Variants in SGCD observed in about 807,000 individuals in gnomAD.
SGCD encodes the protein delta-sarcoglycan.
SGCD carries 18 observed loss-of-function variants against 36.6 expected under a neutral mutation model. The ratio of observed to expected loss-of-function variants is 0.49; its 90% CI spans 0.34 to 0.73. The LOEUF is 0.73. SGCD is among the 30% of genes least tolerant of loss of function. The probability of loss-of-function intolerance (pLI) is 0.01; values close to 1 mark genes in which losing one functional copy is unlikely to be tolerated. For missense variants in SGCD, 387 were observed against 346.7 expected (o/e 1.12, Z -0.92); for synonymous variants, 133 against 130.6 (o/e 1.02, Z -0.12).
In SGCD at chr5:156,575,609, T is replaced by C. The variant is rs185433886; in HGVS notation, c.295-13622T>C. On this transcript the variant is annotated intron_variant, in intron 4 of 8. Coordinates refer to ENST00000337851, the MANE Select transcript of SGCD (RefSeq NM_000337.6). ...GCCATCCAACAAGTTCTATTGAGAGTCCACCAGATGTGAGGATAGCTACGA... is the reference window on the plus strand; with the variant it reads ...GCCATCCAACAAGTTCTATTGAGAGCCCACCAGATGTGAGGATAGCTACGA... Among the ~76,000 whole-genome samples the C allele has an allele frequency of 2.0e-5, 3 of 152,248 alleles. No homozygotes were observed. The East Asian group carries it at 5.8e-4, about 29-fold the overall frequency.
intron 3 of SGCD, among the ~76,000 whole-genome samples, chr5:156,379,908 C>A (rs929737209): frequency 6.6e-6 from 1 of 152,090 alleles, no homozygotes; most frequent in South Asian, 2.1e-4. Context: ...AAAGAAAAAG[C>A]AAAAAATTTG....
chr5:156,758,007 G>A lies in SGCD; in HGVS notation c.699+303G>A, dbSNP rs1347066160. 5.0e-6 allele frequency: 6 copies of A among 1,190,176 alleles called. No homozygotes were observed. The Admixed American group carries it at 1.7e-4, about 34-fold the overall frequency. 73.7% of individuals were successfully genotyped at this position (1,190,176 alleles called of 1,614,324 possible). A position where few individuals can be genotyped will look rare whatever the true frequency, so the allele number is the denominator to read the frequency against. The stretch of plus-strand genomic sequence containing the variant: ...TCTTGTCACCTTAAAATAAGATTTT[G>A]TTAGCCAACATAATTAAGCTGTATA... On this transcript the variant is annotated intron_variant, in intron 8 of 8. Coordinates refer to ENST00000337851, the MANE Select transcript of SGCD (RefSeq NM_000337.6).
chr5:156,761,293 T>C lies in SGCD; in HGVS notation c.*1903T>C, dbSNP rs1757494935. On this transcript the variant is annotated 3_prime_UTR_variant, in exon 9 of 9. Transcript: ENST00000337851. Reference sequence around the variant, plus strand: ...GTCCTAGCCTGGCCAGTGATGCTGCTGGCGTCCAGACCCCAGACTCACTCC... The same window carrying C: ...GTCCTAGCCTGGCCAGTGATGCTGCCGGCGTCCAGACCCCAGACTCACTCC... 1 of 152,260 alleles carries C rather than the reference T, an allele frequency of 6.6e-6. No individual in the cohort carries two copies. The highest frequency in any genetic ancestry group is 6.5e-5 in the Admixed American group (1 of 15,276). The allele number at this position is 152,260 out of a possible 1,614,324, so 9.4% of individuals were successfully genotyped here.
In SGCD at chr5:156,454,954, C is replaced by T. The variant is rs557102957; in HGVS notation, c.193-53647C>T. On this transcript the variant is annotated intron_variant, in intron 3 of 8. Transcript: ENST00000337851. ...TGATACACTGTGCATCAGGAAAAGA[C>T]GACAAGAAGAACCTCCCTTCTGCAA... Among the ~76,000 whole-genome samples, 27 of 152,170 alleles carry T rather than the reference C, an allele frequency of 1.8e-4. No individual in the cohort carries two copies. In the South Asian group the frequency reaches 2.5e-3, roughly 14 times the overall value.
chr5:156,576,787 T>C (rs1759978260), intron 4 of SGCD, among the ~76,000 whole-genome samples: 1 of 152,154 alleles, frequency 6.6e-6, no homozygotes, highest in Middle Eastern at 3.2e-3. Context: ...TTCTTGTAAA[T>C]GTAAGTTCTT....
chr5:155,764,144 C>A, the SGCD span, among the ~76,000 whole-genome samples: 1 of 152,054 alleles, frequency 6.6e-6, no homozygotes, highest in Non-Finnish European at 1.5e-5. Flanking sequence ...AAAGTTAAAT[C>A]TAGTGAGGAA....
At chr5:156,190,703 A>C (rs1763870170) in intron 3 of SGCD, among the ~76,000 whole-genome samples, 1 of 152,184 alleles carries the variant, frequency 6.6e-6, no homozygotes, top group East Asian at 1.9e-4. Flanking sequence ...ATTATATTAG[A>C]GGTAACATGT....
intron 3 of SGCD, among the ~76,000 whole-genome samples, chr5:156,310,780 T>C (rs1356489391): frequency 6.6e-6 from 1 of 152,098 alleles, no homozygotes; most frequent in Non-Finnish European, 1.5e-5. Context: ...TGTTCAAAAA[T>C]AAAAGAGAGA....
chr5:156,289,914 A>G (rs1766712260), intron 3 of SGCD, among the ~76,000 whole-genome samples: 1 of 152,126 alleles, frequency 6.6e-6, no homozygotes, highest in Non-Finnish European at 1.5e-5. Flanking sequence ...ATATATAGGT[A>G]ATAATACTGA....
At chr5:156,168,127 A>T (rs2127620917) in intron 3 of SGCD, among the ~76,000 whole-genome samples, 1 of 152,352 alleles carries the variant, frequency 6.6e-6, no homozygotes, top group East Asian at 1.9e-4. Flanking sequence ...GCACATAGTA[A>T]AATATCAAAT....
At chr5:156,412,355 T>C (rs1772806265) in intron 3 of SGCD, among the ~76,000 whole-genome samples, 2 of 152,258 alleles carry the variant, frequency 1.3e-5, no homozygotes, top group African/African-American at 4.8e-5. Context: ...GCAGTTGTAT[T>C]TGAATACAAT....
chr5:156,608,198 T>C (rs1761581625), intron 6 of SGCD, among the ~76,000 whole-genome samples: 1 of 152,230 alleles, frequency 6.6e-6, no homozygotes, highest in African/African-American at 2.4e-5. Flanking sequence ...TAAATTTCCC[T>C]CTACACACTG....
rs766340753 is a variant in SGCD at position 156,158,215 on chromosome 5, G to A, written c.-44+34196G>A. Among the ~76,000 whole-genome samples the A allele has an allele frequency of 5.7e-4, 87 of 151,522 alleles. 1 individual carries two copies. Among genetic ancestry groups the A allele is most frequent in the Admixed American group, 1.8e-3 (28 of 15,246 alleles). On this transcript the variant is annotated intron_variant, in intron 3 of 9. Coordinates refer to the SGCD transcript ENST00000517913. ...TCCACATCTATAGGATAAGGGTTTC[G>A]AATTTTACTGGATGCTGTCTGAGAA... is the stretch of plus-strand genomic sequence containing the variant.
At chr5:156,148,251 A>G (rs1762753147) in intron 3 of SGCD, among the ~76,000 whole-genome samples, 1 of 152,240 alleles carries the variant, frequency 6.6e-6, no homozygotes, top group Non-Finnish European at 1.5e-5. Flanking sequence ...AGCAATAGAT[A>G]TATTACCCAA....
intron 3 of SGCD, among the ~76,000 whole-genome samples, chr5:156,271,648 A>T (rs182066771): frequency 7.9e-5 from 12 of 151,374 alleles, no homozygotes; most frequent in Admixed American, 3.3e-4. Context: ...TGTGTGTGTG[A>T]GAGAGAGAGA....
chr5:155,737,333 A>G, the SGCD span, among the ~76,000 whole-genome samples: 1 of 152,238 alleles, frequency 6.6e-6, no homozygotes, highest in African/African-American at 2.4e-5. Context: ...GGGTAATTTA[A>G]TGATATCCTC....
chr5:156,757,084 C>A (rs1757362219), intron 7 of SGCD, among the ~76,000 whole-genome samples: 1 of 151,842 alleles, frequency 6.6e-6, no homozygotes, highest in African/African-American at 2.4e-5. Context: ...GAAAGACTTA[C>A]CCATGGTCAT....
chr5:155,761,468 ACCATCACCC>A, the SGCD span, among the ~76,000 whole-genome samples: 3 of 99,620 alleles, frequency 3.0e-5, no homozygotes, highest in Non-Finnish European at 2.1e-5. Flanking sequence ...CATCATCCTC[ACCATCACCC>A]TCTCCATCAC....
At chr5:156,680,621 A>G (rs78786340) in intron 7 of SGCD, among the ~76,000 whole-genome samples, 4,101 of 152,286 alleles carry the variant, frequency 0.027, 168 homozygotes, top group African/African-American at 0.092. Context: ...GCAGAGACGA[A>G]CAAGCTATGG....
Sources: allele counts gnomAD v4.1 joint callset (sites outside exome capture counted in the v4.1 genomes callset), GRCh38; gene constraint gnomAD v4.1.1; transcripts MANE v1.5; gene names NCBI Gene and HGNC (gene_info 2026-07-23, HGNC 2026-07-21).